PAX5: variants seen among roughly 807,000 people sequenced by gnomAD.
PAX5 encodes the protein paired box 5.
In PAX5, 9 loss-of-function variants were observed where a neutral mutation model predicts 43.7. The ratio of observed to expected loss-of-function variants is 0.21; its 90% CI spans 0.12 to 0.36. The LOEUF (loss-of-function observed/expected upper bound fraction) is 0.36. Among genes scored for constraint, PAX5 ranks in the 10% least tolerant of loss-of-function variants. PAX5 has a pLI of 1.00. For synonymous variants in PAX5, 228 were observed against 214.3 expected, an observed-to-expected ratio of 1.06 and a Z score of -0.56; for missense variants, 383 against 532.7, an observed-to-expected ratio of 0.72 and a Z score of 2.77.
At chr9:36,971,147 T>C (rs1482776330) in intron 5 of PAX5, among the ~76,000 whole-genome samples, 3 of 152,196 alleles carry the variant, frequency 2.0e-5, no homozygotes, top group African/African-American at 4.8e-5. Flanking sequence ...ATTGTCCTCA[T>C]GGAGTTATGT....
At chr9:37,026,557 G>C (rs1241435978) in intron 1 of PAX5, 1 of 1,337,744 alleles carries the variant, frequency 7.5e-7, no homozygotes, top group Non-Finnish European at 9.8e-7. Context: ...AACGGGTCGT[G>C]CTTACAGTGT....
In PAX5 at chr9:36,834,284, C is replaced by A. The variant is rs551268697; in HGVS notation, c.*6276G>T. ...GGGGATGGGCCTGCCTCTTCCTGAGCCCCGGGACAGGCTGCTGCCGGGTCT... is the reference window on the plus strand; with the variant it reads ...GGGGATGGGCCTGCCTCTTCCTGAGACCCGGGACAGGCTGCTGCCGGGTCT... On this transcript the variant is annotated 3_prime_UTR_variant, in exon 10 of 10. Coordinates refer to ENST00000358127, the MANE Select transcript of PAX5 (RefSeq NM_016734.3). The A allele has an allele frequency of 1.3e-5, 3 of 233,350 alleles. No individual in the cohort carries two copies. The highest frequency in any genetic ancestry group is 1.8e-4 in the South Asian group (1 of 5,530). The allele number at this position is 233,350 out of a possible 1,614,324, so 14.5% of individuals were successfully genotyped here.
intron 8 of PAX5, among the ~76,000 whole-genome samples, chr9:36,857,264 G>A (rs935492331): frequency 6.6e-6 from 1 of 152,130 alleles, no homozygotes; most frequent in Non-Finnish European, 1.5e-5. Context: ...CTAAATTTGG[G>A]GAAAACTTAT....
chr9:36,922,165 G>A (rs1267686580), intron 7 of PAX5, among the ~76,000 whole-genome samples: 2 of 152,142 alleles, frequency 1.3e-5, no homozygotes, highest in Non-Finnish European at 2.9e-5. Flanking sequence ...CCCAGGTCTC[G>A]GAGCTGGGCC....
intron 6 of PAX5, among the ~76,000 whole-genome samples, chr9:36,929,095 A>G (rs1445457254): frequency 6.6e-6 from 1 of 152,146 alleles, no homozygotes; most frequent in African/African-American, 2.4e-5. Context: ...TAATTTCTGA[A>G]CTTTTTTTCC....
intron 5 of PAX5, among the ~76,000 whole-genome samples, chr9:36,981,783 T>C (rs1040235822): frequency 1.3e-5 from 2 of 152,250 alleles, no homozygotes; most frequent in Non-Finnish European, 2.9e-5. Context: ...GCCAGCTGTG[T>C]GATCTTACAC....
At chr9:36,958,154 T>C (rs113723263) in intron 6 of PAX5, among the ~76,000 whole-genome samples, 93 of 152,318 alleles carry the variant, frequency 6.1e-4, no homozygotes, top group Middle Eastern at 6.8e-3. Context: ...CTGATTAGCA[T>C]GTGGGCGTCA....
chr9:36,901,668 G>A (rs1048385992), intron 7 of PAX5, among the ~76,000 whole-genome samples: 4 of 152,056 alleles, frequency 2.6e-5, no homozygotes, highest in Admixed American at 6.5e-5. Flanking sequence ...GGAGCCCAGC[G>A]CTGTCCGACC....
chr9:36,864,711 C>G (rs571222997), intron 8 of PAX5, among the ~76,000 whole-genome samples: 41 of 152,350 alleles, frequency 2.7e-4, no homozygotes, highest in African/African-American at 9.9e-4. Context: ...GCCCTGCCTG[C>G]TCCCCTGGGA....
At chr9:37,003,445 A>G (rs1347382273) in intron 4 of PAX5, among the ~76,000 whole-genome samples, 1 of 152,214 alleles carries the variant, frequency 6.6e-6, no homozygotes, top group Non-Finnish European at 1.5e-5. Context: ...TATCTCATTT[A>G]ATTCTGAGAA....
At chr9:37,024,513 C>T (rs947066525) in intron 1 of PAX5, among the ~76,000 whole-genome samples, 1 of 152,216 alleles carries the variant, frequency 6.6e-6, no homozygotes, top group Admixed American at 6.5e-5. Flanking sequence ...CTCCCCATTG[C>T]TAGCAAGTTG....
chr9:37,019,991 G>A (rs1473865604), intron 2 of PAX5, among the ~76,000 whole-genome samples: 1 of 152,134 alleles, frequency 6.6e-6, no homozygotes, highest in Non-Finnish European at 1.5e-5. Flanking sequence ...AGTGCTAAAA[G>A]GCTGCACGGT....
chr9:37,026,869 C>T (rs1156943480), intron 1 of PAX5: 2 of 306,630 alleles, frequency 6.5e-6, no homozygotes, highest in Admixed American at 6.5e-5. Flanking sequence ...CCCGGGGTAG[C>T]TGCGGCCAAG....
At chr9:36,918,813 T>C (rs1379882627) in intron 7 of PAX5, among the ~76,000 whole-genome samples, 3 of 152,208 alleles carry the variant, frequency 2.0e-5, no homozygotes, top group African/African-American at 7.2e-5. Flanking sequence ...CAGAGATTGG[T>C]TCATGAGGTT....
In PAX5 at chr9:36,840,243, G is replaced by C; in HGVS notation, c.*317C>G. 2 of 515,138 alleles carry C rather than the reference G, an allele frequency of 3.9e-6. No individual in the cohort carries two copies. Among genetic ancestry groups the C allele is most frequent in the Non-Finnish European group, 6.9e-6 (2 of 287,776 alleles). The allele number at this position is 515,138 out of a possible 1,614,324, so 31.9% of individuals were successfully genotyped here. ...CTGGGGTGGTTATGATGGATGGATA[G>C]TCAGACAGCTGGAGGACAGGCAGGC... is the stretch of plus-strand genomic sequence containing the variant. On this transcript the variant is annotated 3_prime_UTR_variant, in exon 10 of 10. Transcript: ENST00000358127.
At chr9:36,954,348 C>T (rs1473160550) in intron 6 of PAX5, among the ~76,000 whole-genome samples, 1 of 152,192 alleles carries the variant, frequency 6.6e-6, no homozygotes, top group Non-Finnish European at 1.5e-5. Flanking sequence ...GGTGTCAAAA[C>T]TCCACTTGTC....
At chr9:36,863,898 C>G (rs527401406) in intron 8 of PAX5, among the ~76,000 whole-genome samples, 2 of 152,232 alleles carry the variant, frequency 1.3e-5, no homozygotes, top group Admixed American at 6.5e-5. Context: ...ATCAGGAGGT[C>G]AGGAGCTCAA....
chr9:36,845,777 A>G (rs935770789), intron 9 of PAX5, among the ~76,000 whole-genome samples: 2 of 152,214 alleles, frequency 1.3e-5, no homozygotes, highest in African/African-American at 2.4e-5. Flanking sequence ...TCACAGACCT[A>G]TGGTTTGGCA....
intron 8 of PAX5, among the ~76,000 whole-genome samples, chr9:36,880,595 C>T (rs1826325288): frequency 6.6e-6 from 1 of 152,208 alleles, no homozygotes; most frequent in Admixed American, 6.5e-5. Context: ...CAGGGTATCG[C>T]TCTGTCGCCC....
Sources: gnomAD v4.1 joint callset for allele counts (sites outside exome capture counted in the v4.1 genomes callset) on GRCh38, gnomAD v4.1.1 for gene constraint, MANE v1.5 for transcripts, NCBI Gene and HGNC (gene_info 2026-07-23, HGNC 2026-07-21) for gene names.